The following ASIC2 variants were observed in gnomAD, a reference collection of about 807,000 sequenced individuals.
ASIC2 encodes acid sensing ion channel subunit 2.
A neutral mutation model predicts 57.3 loss-of-function variants in ASIC2; 25 were observed. The ratio of observed to expected loss-of-function variants is 0.44; its 90% CI spans 0.32 to 0.61. The LOEUF (loss-of-function observed/expected upper bound fraction) is 0.61, where lower values mean the gene tolerates loss of function less well. Ranked by LOEUF, ASIC2 falls within the 20% of genes least tolerant of loss-of-function variation. The pLI is 0.06. For missense variants in ASIC2, 641 were observed against 738.1 expected, an observed-to-expected ratio of 0.87 and a Z score of 1.52; for synonymous variants, 319 against 307.5, an observed-to-expected ratio of 1.04 and a Z score of -0.39.
At chr17:33,657,240 T>A (rs1342078982) in intron 1 of ASIC2, among the ~76,000 whole-genome samples, 1 of 152,202 alleles carries the variant, frequency 6.6e-6, no homozygotes, top group East Asian at 1.9e-4. Flanking sequence ...CCCCCCATCC[T>A]GGGCTGTGGT....
chr17:34,014,765 C>T (rs746366953), intron 1 of ASIC2, among the ~76,000 whole-genome samples: 1 of 152,186 alleles, frequency 6.6e-6, no homozygotes, highest in Non-Finnish European at 1.5e-5. Flanking sequence ...GCTCCCCATG[C>T]ATGTTGCAAG....
chr17:33,373,876 C>T (rs1909177864), intron 1 of ASIC2, among the ~76,000 whole-genome samples: 1 of 152,160 alleles, frequency 6.6e-6, no homozygotes, highest in South Asian at 2.1e-4. Flanking sequence ...TGGGGTTTTG[C>T]CATGTTGGCC....
At chr17:33,541,509 C>T (rs1417801520) in intron 1 of ASIC2, among the ~76,000 whole-genome samples, 2 of 152,248 alleles carry the variant, frequency 1.3e-5, no homozygotes, top group Admixed American at 6.5e-5. Flanking sequence ...ACCACTGGGG[C>T]GAACGAGGTT....
At chr17:33,225,708 G>A (rs952476549) in intron 1 of ASIC2, among the ~76,000 whole-genome samples, 1 of 152,204 alleles carries the variant, frequency 6.6e-6, no homozygotes, top group African/African-American at 2.4e-5. Flanking sequence ...AGGCTTGGGT[G>A]GGAGCCAAAC....
At chr17:33,215,786 G>GC (rs1907456825) in intron 1 of ASIC2, among the ~76,000 whole-genome samples, 2 of 150,052 alleles carry the variant, frequency 1.3e-5, no homozygotes, top group African/African-American at 4.9e-5. Flanking sequence ...TGCAGGCTCC[G>GC]CCCCCCGGGT....
intron 1 of ASIC2, among the ~76,000 whole-genome samples, chr17:33,375,674 G>T (rs1239794792): frequency 2.0e-5 from 3 of 152,186 alleles, no homozygotes; most frequent in Non-Finnish European, 4.4e-5. Context: ...CCAAGGGAAG[G>T]TCACAGTGGC....
intron 1 of ASIC2, among the ~76,000 whole-genome samples, chr17:33,202,720 T>C (rs981517956): frequency 2.0e-5 from 3 of 152,248 alleles, no homozygotes; most frequent in Admixed American, 1.3e-4. Flanking sequence ...CAGTTCATTG[T>C]TATTTTCCTA....
intron 1 of ASIC2, among the ~76,000 whole-genome samples, chr17:34,094,211 A>T (rs1019269814): frequency 7.9e-5 from 12 of 152,174 alleles, no homozygotes; most frequent in Admixed American, 6.5e-4. Flanking sequence ...AACCACAGAG[A>T]TGGATAAAGA....
intron 1 of ASIC2, among the ~76,000 whole-genome samples, chr17:33,970,159 G>A (rs1905187791): frequency 6.6e-6 from 1 of 152,136 alleles, no homozygotes; most frequent in South Asian, 2.1e-4. Context: ...GCTAAGCAGC[G>A]TCCCTGGCCT....
chr17:34,001,292 G>A (rs1906331352), intron 1 of ASIC2: 1 of 152,496 alleles, frequency 6.6e-6, no homozygotes, highest in Admixed American at 6.5e-5. Context: ...GAGGTCCATG[G>A]GTGGGCTTGC....
chr17:33,439,900 C>T (rs1203469805), intron 1 of ASIC2, among the ~76,000 whole-genome samples: 1 of 152,146 alleles, frequency 6.6e-6, no homozygotes, highest in Admixed American at 6.6e-5. Flanking sequence ...TCCTGAGATG[C>T]GAGCGTGCAT....
At chr17:33,643,630 T>A (rs1380327276) in intron 1 of ASIC2, among the ~76,000 whole-genome samples, 1 of 152,242 alleles carries the variant, frequency 6.6e-6, no homozygotes, top group African/African-American at 2.4e-5. Flanking sequence ...TCACTTTAAG[T>A]CAGACAAACC....
intron 1 of ASIC2, among the ~76,000 whole-genome samples, chr17:33,391,080 C>A (rs993114346): frequency 1.3e-5 from 2 of 152,196 alleles, no homozygotes; most frequent in South Asian, 4.1e-4. Context: ...TAATCTTCTC[C>A]TAACAATGTC....
At chr17:33,265,648 AC>A (rs1909430737) in intron 1 of ASIC2, among the ~76,000 whole-genome samples, 3 of 152,094 alleles carry the variant, frequency 2.0e-5, no homozygotes, top group Admixed American at 6.5e-5. Context: ...CTGCACATGA[AC>A]CCTGGAATGT....
At chr17:33,279,572 A>G (rs1904853456) in intron 1 of ASIC2, among the ~76,000 whole-genome samples, 1 of 152,100 alleles carries the variant, frequency 6.6e-6, no homozygotes. Context: ...AATGGGAGTG[A>G]GGTAGCCAGG....
chr17:33,592,155 TC>T (rs974770782), intron 1 of ASIC2, among the ~76,000 whole-genome samples: 20 of 152,178 alleles, frequency 1.3e-4, no homozygotes, highest in African/African-American at 4.3e-4. Flanking sequence ...GGAGGGCCCC[TC>T]CTCATGGAAC....
chr17:33,135,301 C>T lies in ASIC2; in HGVS notation c.709-23234G>A, dbSNP rs554528037. ...CTGGAATACCCTTTCCAGGAATACC[C>T]TGCCTAGAAAATACTTTCCCCTCTT... On this transcript the variant is annotated intron_variant, in intron 1 of 9. Coordinates refer to ENST00000225823, the MANE Select transcript of ASIC2 (RefSeq NM_183377.2). Among the ~76,000 whole-genome samples the T allele has an allele frequency of 7.9e-5, 12 of 152,282 alleles. No homozygotes were observed. The South Asian group carries it at 2.5e-3, about 32-fold the overall frequency.
At chr17:33,236,994 C>T (rs559526631) in intron 1 of ASIC2, among the ~76,000 whole-genome samples, 37 of 152,078 alleles carry the variant, frequency 2.4e-4, no homozygotes, top group Non-Finnish European at 5.0e-4. Flanking sequence ...TTATAGCAGC[C>T]CTAAGACAGG....
At chr17:33,017,452 G>T (rs138617702) in intron 8 of ASIC2, among the ~76,000 whole-genome samples, 153 bp downstream of exon 8, 7 of 152,178 alleles carry the variant, frequency 4.6e-5, no homozygotes, top group Non-Finnish European at 7.3e-5. Context: ...CACAGAGCCT[G>T]GGCTTCAGTG....
Sources: gnomAD v4.1 joint callset for allele counts (sites outside exome capture counted in the v4.1 genomes callset) on GRCh38, gnomAD v4.1.1 for gene constraint, MANE v1.5 for transcripts, NCBI Gene and HGNC (gene_info 2026-07-23, HGNC 2026-07-21) for gene names.